TUSC3: variants seen among roughly 807,000 people sequenced by gnomAD.
TUSC3 encodes dolichyl-diphosphooligosaccharide--protein glycosyltransferase subunit TUSC3.
TUSC3 carries 45 observed loss-of-function variants against 44.8 expected under a neutral mutation model. The observed-to-expected ratio is 1.00, with a 90% CI of 0.79 to 1.29. The LOEUF is 1.29. Among genes scored for constraint, TUSC3 ranks in the 50% most tolerant of loss-of-function variants. TUSC3 has a pLI of 0.00. For synonymous variants in TUSC3, 212 were observed against 152.9 expected, an observed-to-expected ratio of 1.39 and a Z score of -2.85; for missense variants, 519 against 437.9, an observed-to-expected ratio of 1.19 and a Z score of -1.65.
chr8:15,663,901 G>A (rs969568263), intron 5 of TUSC3, among the ~76,000 whole-genome samples: 11 of 151,670 alleles, frequency 7.3e-5, no homozygotes, highest in African/African-American at 2.7e-4. Flanking sequence ...AAACTTCTTT[G>A]GTATTTAAGA....
chr8:15,444,306 A>G (rs1223114150), intron 1 of TUSC3, among the ~76,000 whole-genome samples: 1 of 152,194 alleles, frequency 6.6e-6, no homozygotes, highest in Admixed American at 6.5e-5. Context: ...CGGTCATGAT[A>G]GGTGTAGGGA....
rs529433979 is a variant in TUSC3 at position 15,765,608 on chromosome 8, A to C, written c.*1452A>C. ...TAGCAGGATGAATGCTATCTTTTCA[A>C]AACATAATATTCAGTGAAAATTACG... On this transcript the variant is annotated 3_prime_UTR_variant, in exon 11 of 11. Coordinates refer to ENST00000503731, the MANE Select transcript of TUSC3 (RefSeq NM_006765.4). The C allele has an allele frequency of 9.2e-5, 14 of 152,172 alleles. No individual in the cohort carries two copies. Among genetic ancestry groups the C allele is most frequent in the Non-Finnish European group, 1.6e-4 (11 of 67,944 alleles). 9.4% of individuals were successfully genotyped at this position (152,172 alleles called of 1,614,324 possible).
intron 1 of TUSC3, among the ~76,000 whole-genome samples, chr8:15,547,202 G>T (rs1801900395): frequency 6.6e-6 from 1 of 151,500 alleles, no homozygotes; most frequent in Non-Finnish European, 1.5e-5. Context: ...GGGCACTTTA[G>T]TACAGGTTAA....
chr8:15,724,171 T>C (rs1289702623), intron 6 of TUSC3, among the ~76,000 whole-genome samples: 1 of 152,164 alleles, frequency 6.6e-6, no homozygotes, highest in African/African-American at 2.4e-5. Context: ...AGAAGCTGGC[T>C]GTCTTCTGCC....
chr8:15,743,707 C>A, intron 8 of TUSC3, 95 bp downstream of exon 8: 1 of 1,315,164 alleles, frequency 7.6e-7, no homozygotes, highest in Non-Finnish European at 1.1e-6. Flanking sequence ...TGTAAACAAA[C>A]TTCTAAAGAA....
At chr8:15,425,571 G>A (rs1351056492) in intron 1 of TUSC3, among the ~76,000 whole-genome samples, 1 of 152,234 alleles carries the variant, frequency 6.6e-6, no homozygotes, top group African/African-American at 2.4e-5. Context: ...CTGTGGGAAA[G>A]CTTTGGGAAA....
chr8:15,632,260 A>G (rs1805805739), intron 2 of TUSC3, among the ~76,000 whole-genome samples: 1 of 151,940 alleles, frequency 6.6e-6, no homozygotes, highest in Non-Finnish European at 1.5e-5. Flanking sequence ...AATGATGGTG[A>G]CTTTTTTTTT....
chr8:15,523,865 C>T (rs984351352), intron 2 of TUSC3, among the ~76,000 whole-genome samples: 7 of 151,246 alleles, frequency 4.6e-5, no homozygotes, highest in African/African-American at 1.7e-4. Context: ...AGACCATCCT[C>T]GCCAACATGG....
chr8:15,483,270 T>C (rs1469344005), intron 1 of TUSC3: 2 of 183,782 alleles, frequency 1.1e-5, no homozygotes, highest in Non-Finnish European at 2.3e-5. Flanking sequence ...GGGTTATTAG[T>C]TTTTTTAAAA....
chr8:15,426,181 A>G (rs975862900), intron 1 of TUSC3, among the ~76,000 whole-genome samples: 2 of 152,230 alleles, frequency 1.3e-5, no homozygotes, highest in Admixed American at 6.5e-5. Context: ...ATCACAATCA[A>G]GGTAACAGTC....
chr8:15,825,239 A>G, the TUSC3 span, among the ~76,000 whole-genome samples: 81 of 152,254 alleles, frequency 5.3e-4, 2 homozygotes, highest in Admixed American at 4.6e-3. Flanking sequence ...CTGCTGATAA[A>G]GACATACCTG....
chr8:15,549,827 C>T lies in TUSC3; in HGVS notation c.138+9259C>T, dbSNP rs551990175. Among the ~76,000 whole-genome samples, 12 of 151,730 alleles carry T rather than the reference C, an allele frequency of 7.9e-5. 1 individual carries two copies. The South Asian group carries it at 2.5e-3, about 32-fold the overall frequency. ...AGGATGGCTGAATCAAGGTTGAATA[C>T]TACCATGATGGTGTAGCAGGACGAG... On this transcript the variant is annotated intron_variant, in intron 1 of 10. Transcript: ENST00000503731.
chr8:15,672,076 T>C (rs991856721), intron 5 of TUSC3, among the ~76,000 whole-genome samples: 1 of 151,970 alleles, frequency 6.6e-6, no homozygotes, highest in African/African-American at 2.4e-5. Context: ...TGACATAGCA[T>C]GAACAAGATG....
At chr8:15,627,620 T>C (rs11774766) in intron 2 of TUSC3, among the ~76,000 whole-genome samples, 1 of 152,138 alleles carries the variant, frequency 6.6e-6, no homozygotes. Context: ...TGTGACTCCC[T>C]TTTTGGGGCC....
intron 2 of TUSC3, among the ~76,000 whole-genome samples, chr8:15,628,103 G>A (rs1283205092): frequency 6.6e-6 from 1 of 151,954 alleles, no homozygotes; most frequent in East Asian, 1.9e-4. Context: ...AACATTTCAG[G>A]CATTTAAAAA....
At chr8:15,831,471 T>C in the TUSC3 span, among the ~76,000 whole-genome samples, 2 of 151,704 alleles carry the variant, frequency 1.3e-5, no homozygotes, top group Non-Finnish European at 2.9e-5. Context: ...ATGACAGAAA[T>C]AGCAACCAGA....
intron 1 of TUSC3, among the ~76,000 whole-genome samples, chr8:15,464,979 A>G (rs1800395390): frequency 6.6e-6 from 1 of 152,080 alleles, no homozygotes; most frequent in Admixed American, 6.6e-5. Context: ...CCTCCCAAGT[A>G]GGTGGGATTA....
intron 2 of TUSC3, among the ~76,000 whole-genome samples, chr8:15,523,007 A>T (rs73665429): frequency 0.011 from 1,716 of 152,296 alleles, 28 homozygotes; most frequent in African/African-American, 0.04. Flanking sequence ...CAGGAGACTG[A>T]TGCTCAATCC....
At chr8:15,658,635 T>TACACACACACACACAC (rs1210424677) in intron 3 of TUSC3, among the ~76,000 whole-genome samples, 1 of 114,256 alleles carries the variant, frequency 8.8e-6, no homozygotes, top group African/African-American at 3.3e-5. Context: ...TATACACATA[T>TACACACACACACACAC]ATATACACAC....
Sources: allele counts gnomAD v4.1 joint callset (sites outside exome capture counted in the v4.1 genomes callset), GRCh38; gene constraint gnomAD v4.1.1; transcripts MANE v1.5; gene names NCBI Gene and HGNC (gene_info 2026-07-23, HGNC 2026-07-21).